GIPC2: variants seen among roughly 807,000 people sequenced by gnomAD.
GIPC2 encodes the protein GIPC PDZ domain containing family member 2, also known as PDZ domain-containing protein GIPC2.
In GIPC2, 30 loss-of-function variants were observed where a neutral mutation model predicts 30.6. That is an observed-to-expected ratio of 0.98 (90% confidence interval 0.73 to 1.33). The LOEUF (loss-of-function observed/expected upper bound fraction) is 1.33. Ranked by LOEUF, GIPC2 falls within the 40% of genes most tolerant of loss-of-function variation. The pLI is 0.00. For missense variants in GIPC2, 414 were observed against 390.3 expected (o/e 1.06, Z -0.51); for synonymous variants, 167 against 150.0 (o/e 1.11, Z -0.83).
chr1:78,085,612 G>A (rs1348986709), intron 2 of GIPC2, among the ~76,000 whole-genome samples: 2 of 149,266 alleles, frequency 1.3e-5, no homozygotes, highest in African/African-American at 4.9e-5. Context: ...TTATTGGTCT[G>A]TTCAGGAAAT....
chr1:78,075,276 T>C (rs1661696719), intron 1 of GIPC2, among the ~76,000 whole-genome samples: 1 of 152,148 alleles, frequency 6.6e-6, no homozygotes, highest in Admixed American at 6.5e-5. Flanking sequence ...GGCAACATGG[T>C]GAGACCATGT....
At chr1:78,067,578 G>A (rs1249743442) in intron 1 of GIPC2, among the ~76,000 whole-genome samples, 6 of 151,790 alleles carry the variant, frequency 4.0e-5, no homozygotes, top group Admixed American at 1.3e-4. Flanking sequence ...CAGCCCCTGC[G>A]ACTAGCTGGG....
At chr1:78,066,664 A>T (rs1156438036) in intron 1 of GIPC2, among the ~76,000 whole-genome samples, 2 of 152,252 alleles carry the variant, frequency 1.3e-5, no homozygotes, top group Non-Finnish European at 2.9e-5. Flanking sequence ...ACTGGAAAAG[A>T]AAATGTGGTC....
At chr1:78,068,885 C>A (rs1021611108) in intron 1 of GIPC2, among the ~76,000 whole-genome samples, 1 of 152,172 alleles carries the variant, frequency 6.6e-6, no homozygotes, top group Non-Finnish European at 1.5e-5. Context: ...ACTCCTCATC[C>A]TGGCTCTGGC....
chr1:78,124,816 GCCA>G (rs1273627228), intron 4 of GIPC2, among the ~76,000 whole-genome samples: 1 of 152,096 alleles, frequency 6.6e-6, no homozygotes, highest in Non-Finnish European at 1.5e-5. Context: ...GACCAGCCTG[GCCA>G]ACATGGTGAA....
chr1:78,063,047 G>C (rs1341414581), intron 1 of GIPC2, among the ~76,000 whole-genome samples: 1 of 152,042 alleles, frequency 6.6e-6, no homozygotes, highest in Non-Finnish European at 1.5e-5. Flanking sequence ...AGACCCAAAG[G>C]CTTCCTCTAA....
chr1:78,080,776 C>G lies in GIPC2; in HGVS notation c.342C>G (p.Ile114Met). ...TCATATTTGCCCATGTGAAAGGAAT[C>G]GAAAAAGAAGTGAATGTGTATAAAT... ...EDFIFAHVKG[I>M]EKEVNVYKSE... is the part of the protein sequence containing the mutation. Residue 114 changes from isoleucine (I) to methionine (M), a missense_variant, in exon 2 of 6, where the codon ATC (isoleucine) becomes ATG (methionine). Ile to Met is a conservative substitution (Grantham distance 10). Transcript: ENST00000370759. 6.2e-7 allele frequency: 1 copy of G among 1,608,810 alleles called. No homozygotes were observed. Among genetic ancestry groups the G allele is most frequent in the Non-Finnish European group, 8.5e-7 (1 of 1,175,422 alleles).
intron 1 of GIPC2, among the ~76,000 whole-genome samples, chr1:78,060,118 A>G (rs1337602608): frequency 6.6e-6 from 1 of 152,196 alleles, no homozygotes; most frequent in Non-Finnish European, 1.5e-5. Flanking sequence ...CTTTATAGGT[A>G]AAGGATATAG....
chr1:78,093,855 A>G (rs2100374095), intron 2 of GIPC2, among the ~76,000 whole-genome samples: 1 of 152,236 alleles, frequency 6.6e-6, no homozygotes, highest in East Asian at 1.9e-4. Flanking sequence ...GAACTTGTAC[A>G]TCCTCTGCAG....
At chr1:78,102,206 GA>G (rs1662261998) in intron 3 of GIPC2, among the ~76,000 whole-genome samples, 1 of 152,184 alleles carries the variant, frequency 6.6e-6, no homozygotes, top group Admixed American at 6.5e-5. Context: ...TCTTCTTTTA[GA>G]AGATTCATTT....
chr1:78,095,685 A>G (rs1334984946), intron 3 of GIPC2, among the ~76,000 whole-genome samples: 1 of 152,180 alleles, frequency 6.6e-6, no homozygotes, highest in East Asian at 1.9e-4. Context: ...TTTAGCCATG[A>G]CAGCTGTATT....
At chr1:78,126,642 T>G (rs1662788274) in intron 5 of GIPC2, among the ~76,000 whole-genome samples, 2 of 152,302 alleles carry the variant, frequency 1.3e-5, no homozygotes, top group Admixed American at 6.5e-5. Flanking sequence ...CAAGTTCTCA[T>G]GCTGTCATCA....
At chr1:78,078,853 A>C (rs1005169316) in intron 1 of GIPC2, among the ~76,000 whole-genome samples, 8 of 151,554 alleles carry the variant, frequency 5.3e-5, no homozygotes, top group African/African-American at 1.9e-4. Context: ...AAAAAAAAAA[A>C]AAACAACAAA....
At chr1:78,060,792 A>G (rs949294636) in intron 1 of GIPC2, among the ~76,000 whole-genome samples, 10 of 152,060 alleles carry the variant, frequency 6.6e-5, no homozygotes, top group African/African-American at 2.4e-4. Flanking sequence ...CTGTCCTTCC[A>G]GAAAAATACT....
chr1:78,125,943 A>T lies in GIPC2; in HGVS notation c.777A>T (p.Gly259=), dbSNP rs769507073. 13 of 1,545,272 alleles carry T rather than the reference A, an allele frequency of 8.4e-6. No individual in the cohort carries two copies. In the South Asian group the frequency reaches 1.5e-4, roughly 17 times the overall value. The change falls in exon 5 of 6, where the codon GGA becomes GGT. Residue 259 remains glycine (G), a synonymous_variant. Coordinates refer to ENST00000370759, the MANE Select transcript of GIPC2 (RefSeq NM_017655.6). ...ATGATGTTCTTGAGTTGTACATGGGAATTCGAGATATTGATTTAGGTAAGA... is the reference window on the plus strand; with the variant it reads ...ATGATGTTCTTGAGTTGTACATGGGTATTCGAGATATTGATTTAGGTAAGA... The part of the protein sequence containing the change: ...KIDDVLELYM[G]IRDIDLATTM...
At chr1:78,064,116 A>C (rs1372520251) in intron 1 of GIPC2, among the ~76,000 whole-genome samples, 1 of 152,216 alleles carries the variant, frequency 6.6e-6, no homozygotes, top group African/African-American at 2.4e-5. Context: ...GAAACGATAA[A>C]TAACTCTTGG....
intron 1 of GIPC2, among the ~76,000 whole-genome samples, chr1:78,076,958 TG>T (rs1661728683): frequency 6.6e-6 from 1 of 151,584 alleles, no homozygotes; most frequent in African/African-American, 2.4e-5. Flanking sequence ...TTTTTAGAGA[TG>T]GGTTTTCACC....
intron 1 of GIPC2, among the ~76,000 whole-genome samples, chr1:78,050,447 ATTAAG>A (rs1057259788): frequency 6.6e-6 from 1 of 152,182 alleles, no homozygotes; most frequent in African/African-American, 2.4e-5. Context: ...AAGATTTGTT[ATTAAG>A]TTGAGACAGA....
chr1:78,084,161 T>C (rs1661883960), intron 2 of GIPC2, among the ~76,000 whole-genome samples: 1 of 152,226 alleles, frequency 6.6e-6, no homozygotes, highest in African/African-American at 2.4e-5. Context: ...TACATTGCTA[T>C]TGGAGTGCAT....
Sources: gnomAD v4.1 joint callset for allele counts (sites outside exome capture counted in the v4.1 genomes callset) on GRCh38, gnomAD v4.1.1 for gene constraint, MANE v1.5 for transcripts, NCBI Gene and HGNC (gene_info 2026-07-23, HGNC 2026-07-21) for gene names.